SLC35F4: variants seen among roughly 807,000 people sequenced by gnomAD.
SLC35F4 encodes chromosome 14 open reading frame 36.
SLC35F4 carries 24 observed loss-of-function variants against 44.2 expected under a neutral mutation model. That is an observed-to-expected ratio of 0.54 (90% CI 0.39 to 0.76). The LOEUF is 0.76. SLC35F4 is among the 30% of genes least tolerant of loss of function. The probability of loss-of-function intolerance (pLI) is 0.00; values close to 1 mark genes in which losing one functional copy is unlikely to be tolerated. For missense variants in SLC35F4, 562 were observed against 586.1 expected, an observed-to-expected ratio of 0.96 and a Z score of 0.42; for synonymous variants, 238 against 223.6, an observed-to-expected ratio of 1.06 and a Z score of -0.57.
intron 1 of SLC35F4, among the ~76,000 whole-genome samples, chr14:57,964,646 T>G (rs576364068): frequency 6.6e-6 from 1 of 152,216 alleles, no homozygotes; most frequent in African/African-American, 2.4e-5. Context: ...TTTTTTATTC[T>G]CTGTGGGAGG....
intron 1 of SLC35F4, among the ~76,000 whole-genome samples, chr14:57,709,810 G>C (rs911557862): frequency 9.2e-5 from 14 of 152,168 alleles, no homozygotes; most frequent in Admixed American, 2.6e-4. Context: ...GAGGTGACTT[G>C]AGTGCTCTTA....
At chr14:57,771,847 G>A (rs1230659405) in intron 1 of SLC35F4, among the ~76,000 whole-genome samples, 3 of 152,236 alleles carry the variant, frequency 2.0e-5, no homozygotes, top group Admixed American at 2.0e-4. Context: ...TTCTGCTTTG[G>A]CCTCCCAAAG....
At chr14:57,683,943 G>C (rs10144563) in intron 1 of SLC35F4, among the ~76,000 whole-genome samples, 20,504 of 152,008 alleles carry the variant, frequency 0.13, 1,658 homozygotes, top group African/African-American at 0.22. Flanking sequence ...AGTTGTCTCT[G>C]ATCTCTTTTC....
intron 1 of SLC35F4, among the ~76,000 whole-genome samples, chr14:57,662,667 C>T (rs548865997): frequency 5.9e-4 from 90 of 152,272 alleles, no homozygotes; most frequent in African/African-American, 2.0e-3. Flanking sequence ...TAAACCTCTA[C>T]CATTTATAAA....
At chr14:57,733,108 T>C (rs900973907) in intron 1 of SLC35F4, among the ~76,000 whole-genome samples, 1 of 152,178 alleles carries the variant, frequency 6.6e-6, no homozygotes, top group Non-Finnish European at 1.5e-5. Flanking sequence ...GGAGCTGTGC[T>C]GCTTTGCCTT....
At chr14:57,727,261 A>T (rs1370511076) in intron 1 of SLC35F4, among the ~76,000 whole-genome samples, 1 of 151,764 alleles carries the variant, frequency 6.6e-6, no homozygotes, top group Non-Finnish European at 1.5e-5. Context: ...ATAAGTTGTA[A>T]TGTCTCCTTT....
chr14:57,674,297 G>T (rs528766882), intron 1 of SLC35F4, among the ~76,000 whole-genome samples: 4 of 152,216 alleles, frequency 2.6e-5, no homozygotes, highest in South Asian at 2.1e-4. Context: ...TTGGGAAAAG[G>T]TTTGTCAGTT....
intron 1 of SLC35F4, among the ~76,000 whole-genome samples, chr14:57,754,220 A>G (rs1462244158): frequency 6.8e-6 from 1 of 147,340 alleles, no homozygotes; most frequent in Non-Finnish European, 1.5e-5. Flanking sequence ...CTCCTGCCTC[A>G]GCCTCCCAAG....
At chr14:57,841,462 C>T (rs1885474703) in intron 1 of SLC35F4, among the ~76,000 whole-genome samples, 1 of 151,846 alleles carries the variant, frequency 6.6e-6, no homozygotes. Flanking sequence ...TTAGAAAGCC[C>T]AAACTACTCA....
At chr14:57,946,454 G>C (rs375619659) in intron 1 of SLC35F4, among the ~76,000 whole-genome samples, 4 of 113,670 alleles carry the variant, frequency 3.5e-5, no homozygotes, top group Non-Finnish European at 5.6e-5. Context: ...TCTTTGTTTT[G>C]TTTTGTTTTC....
At chr14:57,801,578 G>A (rs1167811626) in intron 1 of SLC35F4, among the ~76,000 whole-genome samples, 1 of 151,480 alleles carries the variant, frequency 6.6e-6, no homozygotes, top group Non-Finnish European at 1.5e-5. Context: ...GCTGGATAGA[G>A]CCAAGACCCA....
intron 1 of SLC35F4, among the ~76,000 whole-genome samples, chr14:57,918,753 G>A (rs1889382728): frequency 6.6e-6 from 1 of 152,156 alleles, no homozygotes; most frequent in South Asian, 2.1e-4. Flanking sequence ...CCAGAGGCGT[G>A]ACTTAGGTGC....
upstream of SLC35F4, among the ~76,000 whole-genome samples, chr14:57,869,199 T>G (rs75069634): frequency 4.8e-5 from 7 of 146,450 alleles, no homozygotes; most frequent in East Asian, 7.9e-4. Flanking sequence ...GTGTTGTGGT[T>G]TTTTTTTTTT....
intron 2 of SLC35F4, among the ~76,000 whole-genome samples, chr14:57,590,854 G>A (rs186985775): frequency 2.6e-5 from 4 of 152,314 alleles, no homozygotes; most frequent in Admixed American, 2.6e-4. Context: ...AGAGCCTACT[G>A]GCTCTCCGCT....
intron 1 of SLC35F4, among the ~76,000 whole-genome samples, chr14:57,877,493 T>C (rs1018115268): frequency 2.0e-5 from 3 of 152,108 alleles, no homozygotes; most frequent in African/African-American, 7.2e-5. Flanking sequence ...TAGAACAACT[T>C]ATATTCTCTT....
intron 1 of SLC35F4, among the ~76,000 whole-genome samples, chr14:57,774,891 T>C (rs1051025431): frequency 1.3e-5 from 2 of 152,172 alleles, no homozygotes; most frequent in African/African-American, 2.4e-5. Context: ...CGTTTGTGCA[T>C]GTGCACCACG....
At chr14:57,821,329 G>C (rs1262409811) in intron 1 of SLC35F4, among the ~76,000 whole-genome samples, 1 of 152,204 alleles carries the variant, frequency 6.6e-6, no homozygotes, top group Admixed American at 6.5e-5. Context: ...AAATACTAAA[G>C]GTGGCTCTTT....
chr14:57,874,243 A>G (rs1208417752), intron 1 of SLC35F4, among the ~76,000 whole-genome samples: 2 of 151,998 alleles, frequency 1.3e-5, no homozygotes, highest in African/African-American at 4.8e-5. Context: ...GGAGCCAGGT[A>G]TTTGCTCCAT....
chr14:57,825,542 C>A (rs1883644738), intron 1 of SLC35F4, among the ~76,000 whole-genome samples: 1 of 152,210 alleles, frequency 6.6e-6, no homozygotes, highest in Non-Finnish European at 1.5e-5. Context: ...AAATGCAGTT[C>A]TACAAGCTTT....
Sources: gnomAD v4.1 joint callset for allele counts (sites outside exome capture counted in the v4.1 genomes callset) on GRCh38, gnomAD v4.1.1 for gene constraint, MANE v1.5 for transcripts, NCBI Gene and HGNC (gene_info 2026-07-23, HGNC 2026-07-21) for gene names.